The following GAB1 variants were observed in gnomAD, a reference collection of about 807,000 sequenced individuals.
GAB1 encodes the protein GRB2 associated binding protein 1.
A neutral mutation model predicts 66.5 loss-of-function variants in GAB1; 19 were observed. The ratio of observed to expected loss-of-function variants is 0.29; its 90% CI spans 0.20 to 0.42. The LOEUF (loss-of-function observed/expected upper bound fraction) is 0.42. GAB1 is among the 10% of genes least tolerant of loss of function. The pLI is 1.00. For missense variants in GAB1, 732 were observed against 858.5 expected, an observed-to-expected ratio of 0.85 and a Z score of 1.84; for synonymous variants, 294 against 301.4, an observed-to-expected ratio of 0.98 and a Z score of 0.25.
intron 1 of GAB1, among the ~76,000 whole-genome samples, chr4:143,356,065 T>G (rs530984272): frequency 1.3e-5 from 2 of 152,202 alleles, no homozygotes; most frequent in Admixed American, 1.3e-4. Context: ...GCCAATGCCT[T>G]TTTTTGGGTC....
At chr4:143,339,010 A>G (rs1728745371) in intron 1 of GAB1, among the ~76,000 whole-genome samples, 2 of 152,236 alleles carry the variant, frequency 1.3e-5, no homozygotes, top group South Asian at 2.1e-4. Context: ...CAATTGAACT[A>G]TTAACCAGGA....
chr4:143,351,532 C>T (rs185279319), intron 1 of GAB1, among the ~76,000 whole-genome samples: 1 of 152,094 alleles, frequency 6.6e-6, no homozygotes, highest in African/African-American at 2.4e-5. Flanking sequence ...GGGGCGTGGC[C>T]GGCCAGGGTG....
chr4:143,379,163 T>C (rs534082083), intron 1 of GAB1, among the ~76,000 whole-genome samples: 30 of 152,318 alleles, frequency 2.0e-4, no homozygotes, highest in African/African-American at 5.5e-4. Flanking sequence ...AACAGAGTTA[T>C]GCATATAATT....
At chr4:143,434,029 A>G (rs1733813066) in intron 3 of GAB1, 1 of 956,058 alleles carries the variant, frequency 1.0e-6, no homozygotes, top group Admixed American at 2.4e-5. Flanking sequence ...CTTGCTTAAC[A>G]GATTTCACTG....
At chr4:143,342,886 T>TGTTA (rs1392177405) in intron 1 of GAB1, among the ~76,000 whole-genome samples, 4 of 152,124 alleles carry the variant, frequency 2.6e-5, no homozygotes, top group Non-Finnish European at 5.9e-5. Context: ...TCAAAACATG[T>TGTTA]GTTAGGTACT....
intron 3 of GAB1, among the ~76,000 whole-genome samples, chr4:143,436,204 A>G (rs1010452955): frequency 6.6e-6 from 1 of 152,228 alleles, no homozygotes; most frequent in Non-Finnish European, 1.5e-5. Flanking sequence ...GAAGAAAATC[A>G]TTAGTAATTT....
At chr4:143,402,562 C>T (rs1345905924) in intron 1 of GAB1, among the ~76,000 whole-genome samples, 1 of 152,096 alleles carries the variant, frequency 6.6e-6, no homozygotes, top group Non-Finnish European at 1.5e-5. Flanking sequence ...AAATACAGGC[C>T]AAATAACTTC....
chr4:143,352,544 C>G (rs932637871), intron 1 of GAB1, among the ~76,000 whole-genome samples: 1 of 152,176 alleles, frequency 6.6e-6, no homozygotes, highest in African/African-American at 2.4e-5. Context: ...GTCAGTGGTC[C>G]TTAAACTTCA....
At chr4:143,399,940 C>CTTTT (rs34740795) in intron 1 of GAB1, among the ~76,000 whole-genome samples, 10 of 134,772 alleles carry the variant, frequency 7.4e-5, no homozygotes, top group Non-Finnish European at 1.1e-4. Context: ...GAGTCTTGCT[C>CTTTT]TTTTTTTTTT....
intron 1 of GAB1, among the ~76,000 whole-genome samples, chr4:143,389,453 G>C (rs1384310787): frequency 6.6e-6 from 1 of 152,210 alleles, no homozygotes; most frequent in African/African-American, 2.4e-5. Flanking sequence ...AGTTGAACCT[G>C]TGAGTTCAAC....
At chr4:143,344,427 G>T (rs942841355) in intron 1 of GAB1, among the ~76,000 whole-genome samples, 3 of 152,174 alleles carry the variant, frequency 2.0e-5, no homozygotes, top group South Asian at 2.1e-4. Context: ...TTGAAGTCAC[G>T]ATCTTTCTGT....
At chr4:143,360,854 A>G (rs1729636324) in intron 1 of GAB1, among the ~76,000 whole-genome samples, 1 of 152,228 alleles carries the variant, frequency 6.6e-6, no homozygotes, top group African/African-American at 2.4e-5. Context: ...ACTAGGGGAA[A>G]TCAAATGCAT....
At chr4:143,409,394 C>T (rs192949796) in intron 1 of GAB1, among the ~76,000 whole-genome samples, 4 of 149,710 alleles carry the variant, frequency 2.7e-5, no homozygotes, top group Admixed American at 1.3e-4. Context: ...TTTCCCCCCC[C>T]CCGCTCTGAA....
intron 8 of GAB1, among the ~76,000 whole-genome samples, chr4:143,461,713 A>G (rs1735503345): frequency 6.6e-6 from 1 of 152,202 alleles, no homozygotes; most frequent in Non-Finnish European, 1.5e-5. Flanking sequence ...ATCAGACCAT[A>G]TCTTCCAGGA....
chr4:143,459,600 T>G (rs1735378603), intron 7 of GAB1, 122 bp downstream of exon 7: 8 of 700,226 alleles, frequency 1.1e-5, no homozygotes, highest in Admixed American at 4.9e-5. Context: ...GCCCCCTTTT[T>G]GGGGGTTCTG....
At chr4:143,349,591 C>T (rs989032151) in intron 1 of GAB1, 34 of 1,493,584 alleles carry the variant, frequency 2.3e-5, no homozygotes, top group Non-Finnish European at 2.7e-5. Context: ...CAGCACAGAG[C>T]CGCAGCGGCC....
At chr4:143,445,178 A>G (rs1394682789) in intron 6 of GAB1, among the ~76,000 whole-genome samples, 1 of 152,222 alleles carries the variant, frequency 6.6e-6, no homozygotes, top group African/African-American at 2.4e-5. Context: ...ACTGCTTTCC[A>G]CAGTGGCTGA....
intron 1 of GAB1, among the ~76,000 whole-genome samples, chr4:143,361,932 G>GT (rs1486862728): frequency 2.0e-5 from 3 of 149,610 alleles, no homozygotes; most frequent in South Asian, 2.2e-4. Context: ...TTTGTTTTTT[G>GT]TTTTTTTTAA....
At chr4:143,424,623 A>G (rs1406989022) in intron 2 of GAB1, 2 of 156,492 alleles carry the variant, frequency 1.3e-5, no homozygotes. Context: ...ATTATGTCAT[A>G]TAAATATCCA....
Sources: allele counts gnomAD v4.1 joint callset (sites outside exome capture counted in the v4.1 genomes callset), GRCh38; gene constraint gnomAD v4.1.1; transcripts MANE v1.5; gene names NCBI Gene and HGNC (gene_info 2026-07-23, HGNC 2026-07-21).